The following CSNK1G1 variants were observed in gnomAD, a reference collection of about 807,000 sequenced individuals.
CSNK1G1 encodes the protein casein kinase I isoform gamma-1.
CSNK1G1 carries 22 observed loss-of-function variants against 59.6 expected under a neutral mutation model. That is an observed-to-expected ratio of 0.37 (90% CI 0.26 to 0.53). The LOEUF is 0.53. Among genes scored for constraint, CSNK1G1 ranks in the 20% least tolerant of loss-of-function variants. The pLI, the probability that CSNK1G1 is intolerant of heterozygous loss-of-function variation, is 0.89. For synonymous variants in CSNK1G1, 179 were observed against 177.1 expected (o/e 1.01, Z -0.08); for missense variants, 384 against 519.5 (o/e 0.74, Z 2.54).
At position 64,249,937 on chromosome 15, in the gene CSNK1G1, C is replaced by T. The variant is rs1484379434; in HGVS notation, c.292+1575G>A. 2.0e-5 allele frequency among the ~76,000 whole-genome samples: 3 copies of T among 152,254 alleles called. No homozygotes were observed. In the East Asian group the frequency reaches 5.8e-4, roughly 29 times the overall value. ...TTACAGAGGAAATCCTGAAAACTGG[C>T]CTGTCCACTTCCCCACTTAAACTTC... On this transcript the variant is annotated intron_variant, in intron 4 of 11. Transcript: ENST00000303052.
chr15:64,277,663 TGATATATTTAATAATATAGC>T (rs1329542136), intron 2 of CSNK1G1, among the ~76,000 whole-genome samples: 95 of 129,982 alleles, frequency 7.3e-4, no homozygotes, highest in African/African-American at 2.7e-3. Context: ...ATAGCAATAT[TGATATATTTAATAATATAGC>T]AATATTGATA....
intron 11 of CSNK1G1, among the ~76,000 whole-genome samples, chr15:64,178,283 T>C (rs1364757381): frequency 6.6e-6 from 1 of 152,094 alleles, no homozygotes; most frequent in Admixed American, 6.6e-5. Flanking sequence ...CATGTTTCCT[T>C]ATTAAAATGG....
intron 10 of CSNK1G1, among the ~76,000 whole-genome samples, chr15:64,187,478 G>A (rs546098278): frequency 6.6e-6 from 1 of 152,206 alleles, no homozygotes; most frequent in East Asian, 1.9e-4. Flanking sequence ...GTGATTACAG[G>A]AGCTACCACG....
intron 4 of CSNK1G1, among the ~76,000 whole-genome samples, chr15:64,232,409 A>T (rs1486361884): frequency 6.6e-6 from 1 of 152,202 alleles, no homozygotes; most frequent in Non-Finnish European, 1.5e-5. Flanking sequence ...TGTTACTGGA[A>T]CTTAAGGAAA....
At position 64,210,980 on chromosome 15, in the gene CSNK1G1, T is replaced by C. The variant is rs954776153; in HGVS notation, c.679+2910A>G. Among the ~76,000 whole-genome samples the C allele has an allele frequency of 1.3e-5, 2 of 152,128 alleles. No homozygotes were observed. Among genetic ancestry groups the C allele is most frequent in the African/African-American group, 4.8e-5 (2 of 41,424 alleles). ...ACATGCTGGCTGCTCCCCTTCCCCT[T>C]ACACCATGAGTGGAAGCAGCATGAG... On this transcript the variant is annotated intron_variant, in intron 6 of 11. Transcript: ENST00000303052. The surrounding 1 kb of genome is among the most constrained non-coding windows in gnomAD (Gnocchi z 4.2).
intron 10 of CSNK1G1, 123 bp downstream of exon 10, chr15:64,202,959 A>C: frequency 2.7e-6 from 2 of 753,124 alleles, no homozygotes; most frequent in East Asian, 5.5e-5. Flanking sequence ...ACCTGTAAGA[A>C]ATGGCAAGCA....
At chr15:64,220,038 C>CT (rs2082365934) in intron 4 of CSNK1G1, among the ~76,000 whole-genome samples, 1 of 151,676 alleles carries the variant, frequency 6.6e-6, no homozygotes, top group Non-Finnish European at 1.5e-5. Context: ...TCTCAAAGTG[C>CT]TGGCATTACA....
intron 1 of CSNK1G1, among the ~76,000 whole-genome samples, chr15:64,321,164 A>T (rs1896541954): frequency 6.6e-6 from 1 of 152,192 alleles, no homozygotes; most frequent in African/African-American, 2.4e-5. Flanking sequence ...GCAAAAAATA[A>T]CAATTTAATG....
At chr15:64,329,042 C>A (rs1034302467) in intron 1 of CSNK1G1, among the ~76,000 whole-genome samples, 10 of 147,938 alleles carry the variant, frequency 6.8e-5, no homozygotes, top group Non-Finnish European at 1.4e-4. Flanking sequence ...GAGTGACCTA[C>A]AAAGAGACTT....
At chr15:64,199,844 C>T (rs947213958) in intron 10 of CSNK1G1, among the ~76,000 whole-genome samples, 10 of 152,058 alleles carry the variant, frequency 6.6e-5, no homozygotes, top group African/African-American at 2.2e-4. Context: ...CAGAGCAAGA[C>T]TCCATCTCAA....
At chr15:64,308,753 C>T (rs1488402904) in intron 1 of CSNK1G1, among the ~76,000 whole-genome samples, 1 of 152,060 alleles carries the variant, frequency 6.6e-6, no homozygotes. Flanking sequence ...AAAAATTAGC[C>T]GGTCGTGGTG....
At chr15:64,327,355 G>T (rs575672903) in intron 1 of CSNK1G1, among the ~76,000 whole-genome samples, 5 of 150,226 alleles carry the variant, frequency 3.3e-5, no homozygotes. Context: ...TCCTCAAGTG[G>T]GTCCCTGACC....
chr15:64,173,772 C>T lies in CSNK1G1; in HGVS notation c.1215-1787G>A, dbSNP rs527480798. ...TGAGTAGCTGGTGCCCACCAGCACA[C>T]CCGGCTAATTTTTGTATTTTTAGTA... On this transcript the variant is annotated intron_variant, in intron 11 of 11. Coordinates refer to ENST00000303052, the MANE Select transcript of CSNK1G1 (RefSeq NM_022048.5). Among the ~76,000 whole-genome samples the T allele has an allele frequency of 2.3e-3, 344 of 151,672 alleles. 2 individuals carry two copies. The highest frequency in any genetic ancestry group is 3.0e-3 in the Non-Finnish European group (201 of 67,862).
intron 3 of CSNK1G1, among the ~76,000 whole-genome samples, chr15:64,256,093 C>CA (rs1158101712): frequency 6.6e-6 from 1 of 152,118 alleles, no homozygotes; most frequent in East Asian, 1.9e-4. Context: ...GAATCACTAT[C>CA]AAAGCAGCCA....
At chr15:64,301,044 G>A (rs1895305320) in intron 1 of CSNK1G1, among the ~76,000 whole-genome samples, 1 of 152,124 alleles carries the variant, frequency 6.6e-6, no homozygotes, top group African/African-American at 2.4e-5. Flanking sequence ...ATACAGAGCA[G>A]TGCTAAAATC....
chr15:64,313,203 G>C (rs1175087349), intron 1 of CSNK1G1, among the ~76,000 whole-genome samples: 1 of 152,126 alleles, frequency 6.6e-6, no homozygotes, highest in Non-Finnish European at 1.5e-5. Flanking sequence ...AATTCCTCAA[G>C]GATCTAGAAC....
intron 4 of CSNK1G1, among the ~76,000 whole-genome samples, chr15:64,227,304 T>TC (rs2082475829): frequency 6.6e-6 from 1 of 152,258 alleles, no homozygotes; most frequent in Admixed American, 6.5e-5. Context: ...GTATGAATAC[T>TC]CCAAGTAAAT....
intron 2 of CSNK1G1, chr15:64,265,871 GC>G (rs1180375884): frequency 2.2e-6 from 1 of 454,850 alleles, no homozygotes; most frequent in East Asian, 7.0e-5. Context: ...ATCATTTCAG[GC>G]CAGGAGTTTG....
chr15:64,180,515 G>T, intron 10 of CSNK1G1, 61 bp from the exon 11 acceptor site: 1 of 1,333,880 alleles, frequency 7.5e-7, no homozygotes, highest in Non-Finnish European at 1.1e-6. Context: ...TCTTGCCAGC[G>T]CCAGACAGGG....
Sources: allele counts gnomAD v4.1 joint callset (sites outside exome capture counted in the v4.1 genomes callset), GRCh38; gene constraint gnomAD v4.1.1; non-coding constraint Gnocchi (gnomAD v3.1); transcripts MANE v1.5; gene names NCBI Gene and HGNC (gene_info 2026-07-23, HGNC 2026-07-21).